The following PARP12 variants were observed in gnomAD, a reference collection of about 807,000 sequenced individuals.
The protein encoded by PARP12 is poly(ADP-ribose) polymerase family member 12.
In PARP12, 59 loss-of-function variants were observed where a neutral mutation model predicts 72.4. The ratio of observed to expected loss-of-function variants is 0.81; its 90% CI spans 0.66 to 1.01. The LOEUF is 1.01. PARP12 is among the 50% of genes least tolerant of loss of function. The pLI is 0.00. For missense variants in PARP12, 851 were observed against 914.0 expected, an observed-to-expected ratio of 0.93 and a Z score of 0.89; for synonymous variants, 403 against 371.4, an observed-to-expected ratio of 1.09 and a Z score of -0.98.
Position 140,062,796 on chromosome 7 carries a change from C to A in PARP12, c.52G>T (p.Gly18Trp). 1 of 1,411,992 alleles carries A rather than the reference C, an allele frequency of 7.1e-7. No individual in the cohort carries two copies. Among genetic ancestry groups the A allele is most frequent in the South Asian group, 1.4e-5 (1 of 71,586 alleles). 87.5% of individuals were successfully genotyped at this position (1,411,992 alleles called of 1,614,324 possible). Residue 18 changes from glycine (G) to tryptophan (W), a missense_variant, in exon 1 of 12, where the codon GGG becomes TGG. Physicochemically the swap from Gly to Trp is radical, Grantham distance 184. Coordinates refer to ENST00000263549, the MANE Select transcript of PARP12 (RefSeq NM_022750.4). ...GEVTQVLCAA[G>W]GALELPELRR... ...AGCTCGGGCAACTCCAGGGCGCCCCCGGCCGCGCACAGCACCTGGGTGACC... is the reference window on the plus strand; with the variant it reads ...AGCTCGGGCAACTCCAGGGCGCCCCAGGCCGCGCACAGCACCTGGGTGACC...
chr7:140,050,006 C>T (rs1276447277), intron 4 of PARP12, among the ~76,000 whole-genome samples: 1 of 152,110 alleles, frequency 6.6e-6, no homozygotes, highest in Admixed American at 6.5e-5. Context: ...AGCCCTTCCT[C>T]CCTATAGTCC....
chr7:140,057,666 C>T, intron 2 of PARP12: 1 of 559,200 alleles, frequency 1.8e-6, no homozygotes, highest in South Asian at 2.6e-5. Flanking sequence ...AAGAATCAGC[C>T]CTAGTCGCAC....
chr7:140,039,944 G>C (rs1324916871), intron 6 of PARP12, among the ~76,000 whole-genome samples: 1 of 152,306 alleles, frequency 6.6e-6, no homozygotes, highest in South Asian at 2.1e-4. Context: ...GGAAAGAAAG[G>C]GGCACGCTCC....
At chr7:140,061,160 C>T (rs1412632574) in intron 1 of PARP12, among the ~76,000 whole-genome samples, 1 of 152,222 alleles carries the variant, frequency 6.6e-6, no homozygotes, top group Non-Finnish European at 1.5e-5. Context: ...ATTTCCCAGT[C>T]ACCCTGCATC....
chr7:140,036,028 GAA>G (rs1330764753), intron 7 of PARP12, among the ~76,000 whole-genome samples: 6 of 89,334 alleles, frequency 6.7e-5, no homozygotes, highest in Non-Finnish European at 8.6e-5. Context: ...AGAAGGAGGA[GAA>G]GGAGGAGAAG....
At position 140,034,220 on chromosome 7, in the gene PARP12, C is replaced by T; in HGVS notation, c.1421+15G>A. 6.2e-7 allele frequency: 1 copy of T among 1,610,314 alleles called. No homozygotes were observed. The highest frequency in any genetic ancestry group is 2.2e-5 in the East Asian group (1 of 44,760). ...TGATTACATCCTAAGTACCAAGCCC[C>T]CCACTGCAACCTACCAGGTTTGCAT... On this transcript the variant is annotated intron_variant, in intron 8 of 11. Coordinates refer to ENST00000263549, the MANE Select transcript of PARP12 (RefSeq NM_022750.4).
rs749004378 is a variant in PARP12 at position 140,024,786 on chromosome 7, A to C, written c.1880T>G (p.Phe627Cys). 8 of 1,614,136 alleles carry C rather than the reference A, an allele frequency of 5.0e-6. No homozygotes were observed. The highest frequency in any genetic ancestry group is 5.9e-6 in the Non-Finnish European group (7 of 1,180,008). The change falls in exon 12 of 12, where the codon TTC becomes TGC. Residue 627 changes from phenylalanine (F) to cysteine (C), a missense_variant. Transcript: ENST00000263549. ...GACAAAGGAGGCATTGCCCCTGACG[A>C]ACTCGCCCACCAGCACCCGGGCCAG... Reference protein sequence around the residue: ...MFLARVLVGEFVRGNASFVRP... With the variant: ...MFLARVLVGECVRGNASFVRP...
rs796362513 is a variant in PARP12, at chr7:140,036,040, G to C, written c.1324+1675C>G. On this transcript the variant is annotated intron_variant, in intron 7 of 11. Coordinates refer to ENST00000263549, the MANE Select transcript of PARP12 (RefSeq NM_022750.4). ...AGGAGAAGGAGGAGAAGGAGGAGAA[G>C]GAGGAGAAGGAGGAGAAGGAGGAGA... 4.3e-4 allele frequency among the ~76,000 whole-genome samples: 32 copies of C among 74,514 alleles called. 3 individuals carry two copies. The highest frequency in any genetic ancestry group is 8.8e-4 in the Admixed American group (5 of 5,694). The allele number at this position is 74,514 out of a possible 152,430, so 48.9% of individuals were successfully genotyped here.
At chr7:140,053,675 C>T (rs2116646214) in intron 4 of PARP12, among the ~76,000 whole-genome samples, 1 of 152,094 alleles carries the variant, frequency 6.6e-6, no homozygotes, top group African/African-American at 2.4e-5. Context: ...ATTCCATTCC[C>T]CAGAATCTAT....
At chr7:140,038,197 G>C (rs1816300585) in intron 6 of PARP12, 1 of 985,470 alleles carries the variant, frequency 1.0e-6, no homozygotes, top group Non-Finnish European at 1.2e-6. Context: ...GCGACTTCTG[G>C]AGTGCTGCTT....
intron 6 of PARP12, chr7:140,038,334 T>TA: frequency 1.0e-6 from 1 of 974,542 alleles, no homozygotes; most frequent in Non-Finnish European, 1.2e-6. Flanking sequence ...ATCTATTTTT[T>TA]AAATTATCCA....
At chr7:140,050,900 G>A (rs954698538) in intron 4 of PARP12, among the ~76,000 whole-genome samples, 1 of 152,124 alleles carries the variant, frequency 6.6e-6, no homozygotes, top group Non-Finnish European at 1.5e-5. Flanking sequence ...TATATCTTCA[G>A]TATAAATCAT....
At chr7:140,036,327 G>A (rs958546407) in intron 7 of PARP12, among the ~76,000 whole-genome samples, 7 of 152,278 alleles carry the variant, frequency 4.6e-5, no homozygotes, top group African/African-American at 1.7e-4. Context: ...ACACAGTCCT[G>A]ACCTTCAGGG....
At chr7:140,036,256 TC>T (rs1242372519) in intron 7 of PARP12, among the ~76,000 whole-genome samples, 3 of 152,222 alleles carry the variant, frequency 2.0e-5, no homozygotes, top group African/African-American at 7.2e-5. Flanking sequence ...TTTGATATTT[TC>T]CAGATATTTA....
At chr7:140,053,894 C>G (rs560511895) in intron 4 of PARP12, among the ~76,000 whole-genome samples, 2 of 152,254 alleles carry the variant, frequency 1.3e-5, no homozygotes, top group African/African-American at 2.4e-5. Context: ...ATATCACAAC[C>G]ACACGGGAAG....
chr7:140,047,103 G>C, intron 4 of PARP12, 96 bp from the exon 5 acceptor site: 1 of 1,370,164 alleles, frequency 7.3e-7, no homozygotes, highest in Non-Finnish European at 9.7e-7. Flanking sequence ...CCACTGACCT[G>C]GGAACATTCT....
At chr7:140,027,593 T>C in intron 9 of PARP12, 187 bp from the exon 10 acceptor site, 1 of 556,012 alleles carries the variant, frequency 1.8e-6, no homozygotes, top group Non-Finnish European at 3.0e-6. Flanking sequence ...CATTGATAGG[T>C]TCTTGGAAAC....
At chr7:140,046,330 T>C (rs1201947414) in intron 5 of PARP12, among the ~76,000 whole-genome samples, 2 of 152,216 alleles carry the variant, frequency 1.3e-5, no homozygotes, top group African/African-American at 4.8e-5. Flanking sequence ...AAAAATATGT[T>C]AAGTATCTGA....
chr7:140,049,340 G>A (rs1816869123), intron 4 of PARP12, among the ~76,000 whole-genome samples: 1 of 152,170 alleles, frequency 6.6e-6, no homozygotes, highest in African/African-American at 2.4e-5. Context: ...CACTAGGTCA[G>A]GAACCTCTTG....
Sources: allele counts gnomAD v4.1 joint callset (sites outside exome capture counted in the v4.1 genomes callset), GRCh38; gene constraint gnomAD v4.1.1; transcripts MANE v1.5; gene names NCBI Gene and HGNC (gene_info 2026-07-23, HGNC 2026-07-21).